The following ZNFX1 variants were observed in gnomAD, a reference collection of about 807,000 sequenced individuals.
The protein encoded by ZNFX1 is zinc finger NFX1-type containing 1, also known as NFX1-type zinc finger-containing protein 1.
In ZNFX1, 78 loss-of-function variants were observed where a neutral mutation model predicts 179.8. That is an observed-to-expected ratio of 0.43 (90% CI 0.36 to 0.52). The LOEUF (loss-of-function observed/expected upper bound fraction) is 0.52, where lower values mean the gene tolerates loss of function less well. ZNFX1 is among the 20% of genes least tolerant of loss of function. The pLI, the probability that ZNFX1 is intolerant of heterozygous loss-of-function variation, is 0.00. For missense variants in ZNFX1, 1,927 were observed against 2,386.6 expected, an observed-to-expected ratio of 0.81 and a Z score of 4.01; for synonymous variants, 848 against 868.5, an observed-to-expected ratio of 0.98 and a Z score of 0.42.
intron 5 of ZNFX1, among the ~76,000 whole-genome samples, chr20:49,263,971 C>T (rs1370624988): frequency 6.6e-6 from 1 of 152,094 alleles, no homozygotes; most frequent in East Asian, 1.9e-4. Context: ...CGCCTGTAAT[C>T]CCAGCACTTT....
chr20:49,253,960 C>T, intron 10 of ZNFX1, 149 bp from the exon 11 acceptor site: 1 of 864,586 alleles, frequency 1.2e-6, no homozygotes, highest in African/African-American at 1.7e-5. Context: ...GTCTCCAGAA[C>T]ATTAAAACTG....
intron 6 of ZNFX1, among the ~76,000 whole-genome samples, chr20:49,261,982 A>C (rs1981124966): frequency 6.6e-6 from 1 of 151,542 alleles, no homozygotes; most frequent in Non-Finnish European, 1.5e-5. Flanking sequence ...ACAAACCTGC[A>C]CACGTACCCC....
At chr20:49,249,847 C>G in intron 13 of ZNFX1, 136 bp from the exon 14 acceptor site, 1 of 861,894 alleles carries the variant, frequency 1.2e-6, no homozygotes. Context: ...CTCAACATCA[C>G]TATCTTTAGT....
chr20:49,270,229 TCCTCCTGGA>T lies in ZNFX1; in HGVS notation c.1574_1582del (p.Val525_Glu527del). On this transcript the variant is annotated inframe_deletion, in exon 3 of 14. Coordinates refer to ENST00000396105, the MANE Select transcript of ZNFX1 (RefSeq NM_021035.3). This position sits in a 1 kb window ranked among gnomAD's most constrained non-coding sequence, Gnocchi z 4.6. ...GATATTCCTCTGGAAGGGAACATCT[TCCTCCTGGA>T]CCTCCTGGAGTCCTTCCAGGACGTG... 1 of 1,614,066 alleles carries T rather than the reference TCCTCCTGGA, an allele frequency of 6.2e-7. No individual in the cohort carries two copies. The highest frequency in any genetic ancestry group is 8.5e-7 in the Non-Finnish European group (1 of 1,180,046).
In ZNFX1 at chr20:49,248,933, G is replaced by A; in HGVS notation, c.4091C>T (p.Ser1364Phe). The change falls in exon 14 of 14, where the codon TCC (serine) becomes TTC (phenylalanine). Residue 1364 changes from serine (S) to phenylalanine (F), a missense_variant. Physicochemically the swap from Ser to Phe is radical, Grantham distance 155 (BLOSUM62 -2). Transcript: ENST00000396105. The surrounding 1 kb of genome is among the most constrained non-coding windows in gnomAD (Gnocchi z 4.6). ...RCGHEQMVPC[S>F]VPESDFCCQE... The stretch of plus-strand genomic sequence containing the variant: ...GCAGCAGAAATCTGACTCAGGCACG[G>A]AACAAGGGACCATTTGTTCATGGCC... The A allele has an allele frequency of 6.2e-7, 1 of 1,614,274 alleles. No individual in the cohort carries two copies. The highest frequency in any genetic ancestry group is 8.5e-7 in the Non-Finnish European group (1 of 1,180,054).
chr20:49,269,595 T>G (rs1981327655), intron 3 of ZNFX1, among the ~76,000 whole-genome samples: 1 of 152,198 alleles, frequency 6.6e-6, no homozygotes, highest in Non-Finnish European at 1.5e-5. Flanking sequence ...GCAGGAGAAT[T>G]GCTTGAACCC....
chr20:49,251,639 A>G lies in ZNFX1; in HGVS notation c.3217-17T>C, dbSNP rs769422219. 7.5e-6 allele frequency: 12 copies of G among 1,595,454 alleles called. No individual in the cohort carries two copies. In the South Asian group the frequency reaches 1.3e-4, roughly 18 times the overall value. ...CATACGGTGCTGAAAAAACACATGC[A>G]TGTCATTAGAAACATGGGCAGAGCA... is the stretch of plus-strand genomic sequence containing the variant. On this transcript the variant is annotated splice_polypyrimidine_tract_variant and intron_variant, in intron 12 of 13. Transcript: ENST00000396105.
rs369071940 is a variant in ZNFX1, at chr20:49,247,282, G to C, written c.5742C>G (p.Ile1914Met). Reference sequence around the variant, plus strand: ...TACCATCTTCCTACATCATCCCCTGGATCTCCTCAAAGTTCATCAGGTTGT... The same window carrying C: ...TACCATCTTCCTACATCATCCCCTGCATCTCCTCAAAGTTCATCAGGTTGT... Reference protein sequence around the residue: ...TANNLMNFEEIQGMM With the variant: ...TANNLMNFEEMQGMM Residue 1914 changes from isoleucine (I) to methionine (M), a missense_variant, in exon 14 of 14, where the codon ATC becomes ATG. Physicochemically the swap from Ile to Met is conservative, Grantham distance 10 (BLOSUM62 1). Coordinates refer to ENST00000396105, the MANE Select transcript of ZNFX1 (RefSeq NM_021035.3). The C allele has an allele frequency of 8.1e-6, 13 of 1,607,202 alleles. No homozygotes were observed. Among genetic ancestry groups the C allele is most frequent in the East Asian group, 6.7e-5 (3 of 44,754 alleles).
At chr20:49,258,874 T>A (rs952776189) in intron 7 of ZNFX1, among the ~76,000 whole-genome samples, 8 of 151,664 alleles carry the variant, frequency 5.3e-5, no homozygotes, top group Non-Finnish European at 1.2e-4. Context: ...GAGGCCGAGG[T>A]GGGCAGATCA....
chr20:49,254,581 G>C lies in ZNFX1; in HGVS notation c.2873C>G (p.Thr958Arg), dbSNP rs761609125. The C allele has an allele frequency of 6.2e-7, 1 of 1,614,180 alleles. No homozygotes were observed. ...CAGCTCGGCCATTCTTTCTGCTGAT[G>C]TGCGGTACTGGCGTTCATAGCTGAG... ...KILSYERQYR[T>R]SAERMAELRL... The change falls in exon 10 of 14, where the codon ACA becomes AGA. Residue 958 changes from threonine (T) to arginine (R), a missense_variant. Thr to Arg is a moderately conservative substitution (Grantham distance 71). Transcript: ENST00000396105.
chr20:49,248,311 G>C lies in ZNFX1; in HGVS notation c.4713C>G (p.Thr1571=), dbSNP rs770773368. The C allele has an allele frequency of 3.1e-6, 5 of 1,614,128 alleles. No individual in the cohort carries two copies. The East Asian group carries it at 6.7e-5, about 22-fold the overall frequency. The change falls in exon 14 of 14, where the codon ACC becomes ACG. Residue 1571 remains threonine, a synonymous_variant. Transcript: ENST00000396105. This position sits in a 1 kb window ranked among gnomAD's most constrained non-coding sequence, Gnocchi z 4.6. ...KCRICHMDEV[T]QIFFGFEDEP... ...CATCCTCAAAGCCAAAGAATATTTG[G>C]GTGACCTCATCCATGTGGCAGATCC...
intron 2 of ZNFX1, among the ~76,000 whole-genome samples, chr20:49,273,171 C>T (rs183292753): frequency 2.9e-4 from 44 of 152,150 alleles, no homozygotes; most frequent in Admixed American, 1.2e-3. Context: ...CTGGCTCTGT[C>T]GCCCAGGCTG....
At chr20:49,275,699 G>A in intron 2 of ZNFX1, 80 bp downstream of exon 2, 2 of 1,326,086 alleles carry the variant, frequency 1.5e-6, no homozygotes, top group South Asian at 1.2e-5. Flanking sequence ...TCTTAGGTAG[G>A]CCTGCTCATT....
rs775142566 is a variant in ZNFX1 at position 49,255,939 on chromosome 20, G to A, written c.2673C>T (p.Arg891=). The change falls in exon 9 of 14, where the codon CGC becomes CGT. Residue 891 remains arginine, a synonymous_variant. Coordinates refer to ENST00000396105, the MANE Select transcript of ZNFX1 (RefSeq NM_021035.3). ...TTTTTTTCATTTTCTTTTTCTGGTT[G>A]CGCTGGGTCTGCAGACATCAATACC... ...EQATGEWQTQ[R]NQKKKMKKRV... 18 of 1,613,846 alleles carry A rather than the reference G, an allele frequency of 1.1e-5. No homozygotes were observed. The highest frequency in any genetic ancestry group is 1.4e-5 in the Non-Finnish European group (16 of 1,180,000).
chr20:49,257,584 G>A lies in ZNFX1; in HGVS notation c.2497C>T (p.Gln833Ter). ...TCCTCCTCAATCACCCGGTCTGCTT[G>A]AATCAGGTCAGCTTCCTCTGCGATC... Reference protein sequence around the residue: ...IEIAEEADLIQADRVIEEEEV... With the variant: ...IEIAEEADLI The change falls in exon 8 of 14, where the codon CAA becomes TAA. Residue 833 changes from glutamine to a stop codon, truncating the protein, a stop_gained. Coordinates refer to ENST00000396105, the MANE Select transcript of ZNFX1 (RefSeq NM_021035.3). LOFTEE classifies it high-confidence loss of function. The A allele has an allele frequency of 6.2e-7, 1 of 1,613,874 alleles. No homozygotes were observed. The highest frequency in any genetic ancestry group is 1.1e-5 in the South Asian group (1 of 91,066).
intron 7 of ZNFX1, among the ~76,000 whole-genome samples, chr20:49,259,630 T>A (rs1285030054): frequency 1.3e-5 from 2 of 152,184 alleles, no homozygotes; most frequent in Non-Finnish European, 2.9e-5. Flanking sequence ...GGTCTCATTA[T>A]GTTGCCCAGG....
intron 11 of ZNFX1, among the ~76,000 whole-genome samples, chr20:49,253,182 G>A (rs1433637881): frequency 6.6e-6 from 1 of 152,184 alleles, no homozygotes; most frequent in East Asian, 1.9e-4. Flanking sequence ...CAAATGGGAT[G>A]AAGTCAGAGA....
At chr20:49,257,700 C>CACT in intron 7 of ZNFX1, 36 bp from the exon 8 acceptor site, 1 of 1,496,548 alleles carries the variant, frequency 6.7e-7, no homozygotes. Context: ...GAGATGAAAA[C>CACT]TCTTTTTTTT....
At position 49,249,540 on chromosome 20, in the gene ZNFX1, C is replaced by T. The variant is rs750985062; in HGVS notation, c.3484G>A (p.Gly1162Arg). 8.7e-6 allele frequency: 14 copies of T among 1,614,212 alleles called. No individual in the cohort carries two copies. Among genetic ancestry groups the T allele is most frequent in the Middle Eastern group, 1.6e-4 (1 of 6,062 alleles). Residue 1162 changes from glycine to arginine, a missense_variant, in exon 14 of 14, where the codon GGG becomes AGG. Coordinates refer to ENST00000396105, the MANE Select transcript of ZNFX1 (RefSeq NM_021035.3). ...AGTTTGCGCAGGCAGAAGAGCTGCCCGGTATAGGTAGTGAGGATGGTGATC... is the reference window on the plus strand; with the variant it reads ...AGTTTGCGCAGGCAGAAGAGCTGCCTGGTATAGGTAGTGAGGATGGTGATC... ...SQITILTTYT[G>R]QLFCLRKLMP... is the part of the protein sequence containing the mutation.
Sources: allele counts gnomAD v4.1 joint callset (sites outside exome capture counted in the v4.1 genomes callset), GRCh38; gene constraint gnomAD v4.1.1; non-coding constraint Gnocchi (gnomAD v3.1); transcripts MANE v1.5; gene names NCBI Gene and HGNC (gene_info 2026-07-23, HGNC 2026-07-21).